Variants in DNAH9 observed in about 807,000 individuals in gnomAD.
DNAH9 encodes the protein dynein axonemal heavy chain 9.
Under a neutral mutation model 471.6 loss-of-function variants are expected in DNAH9, and 345 were observed. The ratio of observed to expected loss-of-function variants is 0.73; its 90% CI spans 0.67 to 0.80. The LOEUF is 0.80. DNAH9 is among the 30% of genes least tolerant of loss of function. DNAH9 has a pLI of 0.00. For missense variants in DNAH9, 5,407 were observed against 5,609.2 expected (o/e 0.96, Z 1.15); for synonymous variants, 2,093 against 2,123.6 (o/e 0.99, Z 0.40).
chr17:11,937,404 C>T lies in DNAH9; in HGVS notation c.12542C>T (p.Pro4181Leu), dbSNP rs1439034442. 18 of 1,613,932 alleles carry T rather than the reference C, an allele frequency of 1.1e-5. No homozygotes were observed. The highest frequency in any genetic ancestry group is 2.2e-5 in the South Asian group (2 of 91,078). Residue 4181 changes from proline (P) to leucine (L), a missense_variant, in exon 66 of 69, where the codon CCG becomes CTG. Physicochemically the swap from Pro to Leu is moderately conservative, Grantham distance 98. Coordinates refer to ENST00000262442, the MANE Select transcript of DNAH9 (RefSeq NM_001372.4). The surrounding 1 kb of genome is among the most constrained non-coding windows in gnomAD (Gnocchi z 4.1). ...TCCCCCTACCTCTATGGCCTCCACC[C>T]GAACGCAGAGATTGGCTTCCTGACC... ...PESPYLYGLH[P>L]NAEIGFLTQT...
chr17:11,954,881 TGTGA>T (rs1395821858), intron 67 of DNAH9, among the ~76,000 whole-genome samples: 3 of 152,104 alleles, frequency 2.0e-5, no homozygotes, highest in Non-Finnish European at 4.4e-5. Flanking sequence ...ATGGTAAATA[TGTGA>T]GTAATATGAA....
chr17:11,934,718 C>T (rs1462788734), intron 65 of DNAH9, among the ~76,000 whole-genome samples: 1 of 152,126 alleles, frequency 6.6e-6, no homozygotes, highest in East Asian at 1.9e-4. Context: ...TCCCAAAGTG[C>T]TGGGATTACA....
At chr17:11,830,389 A>G (rs372095648) in intron 48 of DNAH9, among the ~76,000 whole-genome samples, 4 of 152,188 alleles carry the variant, frequency 2.6e-5, no homozygotes, top group South Asian at 4.1e-4. Flanking sequence ...TTGCCTGCAT[A>G]TAGGACTCAA....
At chr17:11,737,144 T>A (rs1273589911) in intron 28 of DNAH9, among the ~76,000 whole-genome samples, 1 of 152,204 alleles carries the variant, frequency 6.6e-6, no homozygotes, top group East Asian at 1.9e-4. Flanking sequence ...ATGGCATTGA[T>A]ATTCTGCACG....
At chr17:11,789,801 C>T (rs927757764) in intron 41 of DNAH9, among the ~76,000 whole-genome samples, 6 of 151,902 alleles carry the variant, frequency 3.9e-5, no homozygotes, top group Non-Finnish European at 8.8e-5. Context: ...CATCCTTTGT[C>T]TCATCTAAAA....
rs1242168285 is a variant in DNAH9 at position 11,932,230 on chromosome 17, C to A, written c.12297+25C>A. On this transcript the variant is annotated intron_variant, in intron 64 of 68. Transcript: ENST00000262442. The surrounding 1 kb of genome is among the most constrained non-coding windows in gnomAD (Gnocchi z 4.3). ...GGTAAAGGCCATGGACATTCAGGGACCAGCCAGGTTGGGAGAGGGTTAAAA... is the reference window on the plus strand; with the variant it reads ...GGTAAAGGCCATGGACATTCAGGGAACAGCCAGGTTGGGAGAGGGTTAAAA... The A allele has an allele frequency of 2.5e-6, 4 of 1,605,656 alleles. No individual in the cohort carries two copies. The highest frequency in any genetic ancestry group is 3.4e-6 in the Non-Finnish European group (4 of 1,174,204).
chr17:11,745,159 A>G (rs1597582397), intron 31 of DNAH9, 75 bp downstream of exon 31: 3 of 1,274,422 alleles, frequency 2.4e-6, no homozygotes, highest in Non-Finnish European at 1.1e-6. Flanking sequence ...TCCTTCATCC[A>G]TAATCCAAAG....
At chr17:11,638,283 C>T (rs534713669) in intron 9 of DNAH9, among the ~76,000 whole-genome samples, 1 of 152,154 alleles carries the variant, frequency 6.6e-6, no homozygotes, top group Non-Finnish European at 1.5e-5. Context: ...TGACTTCTTA[C>T]GGTCAGATAC....
At chr17:11,720,524 A>G (rs1016520841) in intron 27 of DNAH9, among the ~76,000 whole-genome samples, 2 of 152,224 alleles carry the variant, frequency 1.3e-5, no homozygotes, top group African/African-American at 4.8e-5. Flanking sequence ...TGTCAGCAGG[A>G]TGACATGCAA....
chr17:11,926,665 C>T (rs979581165), intron 62 of DNAH9, among the ~76,000 whole-genome samples: 6 of 152,156 alleles, frequency 3.9e-5, no homozygotes, highest in Non-Finnish European at 5.9e-5. Context: ...CATTGATGAG[C>T]AGTTGGGTTG....
At chr17:11,765,590 C>T (rs1967899774) in intron 36 of DNAH9, among the ~76,000 whole-genome samples, 1 of 152,284 alleles carries the variant, frequency 6.6e-6, no homozygotes, top group African/African-American at 2.4e-5. Context: ...TACTGCCCTC[C>T]CCAGAGACAG....
At chr17:11,633,484 T>C (rs903809833) in intron 8 of DNAH9, among the ~76,000 whole-genome samples, 2 of 152,186 alleles carry the variant, frequency 1.3e-5, no homozygotes, top group Non-Finnish European at 2.9e-5. Context: ...TAGAAGAGGC[T>C]TAAACCCTGG....
chr17:11,672,585 C>T (rs2150732094), intron 17 of DNAH9, among the ~76,000 whole-genome samples: 1 of 152,298 alleles, frequency 6.6e-6, no homozygotes, highest in South Asian at 2.1e-4. Context: ...TGCCATTAGT[C>T]CCTCTTGCTC....
intron 6 of DNAH9, among the ~76,000 whole-genome samples, chr17:11,624,876 C>G (rs1343643633): frequency 6.6e-6 from 1 of 152,098 alleles, no homozygotes; most frequent in Non-Finnish European, 1.5e-5. Context: ...GTCTTTATAT[C>G]AAAGTAAGTT....
At chr17:11,653,888 T>TTTCATCCAAATGTTCA (rs2073566474) in intron 14 of DNAH9, among the ~76,000 whole-genome samples, 1 of 152,140 alleles carries the variant, frequency 6.6e-6, no homozygotes, top group African/African-American at 2.4e-5. Flanking sequence ...TTCGTCTTTC[T>TTTCATCCAAATGTTCA]TTCATCCAAC....
intron 28 of DNAH9, among the ~76,000 whole-genome samples, chr17:11,731,819 T>C (rs893388161): frequency 5.9e-5 from 9 of 152,256 alleles, no homozygotes; most frequent in South Asian, 4.2e-4. Flanking sequence ...TTTGGGTTGG[T>C]TCCAAGTCTT....
chr17:11,651,133 C>G lies in DNAH9; in HGVS notation c.2162C>G (p.Thr721Arg). 1.2e-6 allele frequency: 2 copies of G among 1,614,052 alleles called. No homozygotes were observed. Among genetic ancestry groups the G allele is most frequent in the Non-Finnish European group, 8.5e-7 (1 of 1,179,950 alleles). ...EPREMKHMPE[T>R]AAAMFSSRDF... ...AGAGAGATGAAACACATGCCTGAGA[C>G]AGCAGCAGCCATGTTCTCCTCCAGG... The change falls in exon 13 of 69, where the codon ACA becomes AGA. Residue 721 changes from threonine (T) to arginine (R), a missense_variant. Physicochemically the swap from Thr to Arg is moderately conservative, Grantham distance 71. Around this residue, in one of 3 missense-constraint regions of DNAH9, gnomAD observed 4,636 missense variants for 4,900.3 expected, o/e 0.95. Transcript: ENST00000262442.
chr17:11,754,841 C>T (rs1278219912), intron 33 of DNAH9, among the ~76,000 whole-genome samples: 1 of 152,186 alleles, frequency 6.6e-6, no homozygotes, highest in African/African-American at 2.4e-5. Flanking sequence ...AATTAGATCC[C>T]ATTTGTCAAT....
At chr17:11,877,889 T>C (rs1972564925) in intron 53 of DNAH9, among the ~76,000 whole-genome samples, 1 of 152,016 alleles carries the variant, frequency 6.6e-6, no homozygotes, top group African/African-American at 2.4e-5. Context: ...CGTGTGCCAC[T>C]ATGCCTGGCT....
Sources: gnomAD v4.1 joint callset for allele counts (sites outside exome capture counted in the v4.1 genomes callset) on GRCh38, gnomAD v4.1.1 for gene constraint, gnomAD v4.1.1 regional missense constraint, Gnocchi (gnomAD v3.1) non-coding constraint, MANE v1.5 for transcripts, NCBI Gene and HGNC (gene_info 2026-07-23, HGNC 2026-07-21) for gene names.